DHRSX: variants seen among roughly 807,000 people sequenced by gnomAD.
DHRSX encodes polyprenol dehydrogenase.
Under a neutral mutation model 34.0 loss-of-function variants are expected in DHRSX, and 31 were observed. The ratio of observed to expected loss-of-function variants is 0.91; its 90% CI spans 0.69 to 1.23. The LOEUF is 1.23. DHRSX is among the 50% of genes most tolerant of loss of function. The pLI is 0.00. For synonymous variants in DHRSX, 201 were observed against 183.8 expected, an observed-to-expected ratio of 1.09 and a Z score of -0.76; for missense variants, 414 against 428.1, an observed-to-expected ratio of 0.97 and a Z score of 0.29.
chrX:2,462,431 A>G (rs2044415866), intron 1 of DHRSX, among the ~76,000 whole-genome samples: 1 of 152,166 alleles, frequency 6.6e-6, no homozygotes, highest in South Asian at 2.1e-4. Context: ...GCTACTCAGG[A>G]GGCTGAGACA....
At chrX:2,329,246 C>G (rs1401305083) in intron 3 of DHRSX, among the ~76,000 whole-genome samples, 1 of 152,046 alleles carries the variant, frequency 6.6e-6, no homozygotes, top group Non-Finnish European at 1.5e-5. Context: ...TCTAATAGTC[C>G]ATGACATCGG....
chrX:2,442,419 A>T (rs2044074839), intron 1 of DHRSX, among the ~76,000 whole-genome samples: 3 of 151,812 alleles, frequency 2.0e-5, no homozygotes, highest in Admixed American at 1.3e-4. Context: ...TATATGATAT[A>T]TGATGATATA....
chrX:2,461,020 C>A (rs2044395425), intron 1 of DHRSX, among the ~76,000 whole-genome samples: 2 of 152,156 alleles, frequency 1.3e-5, no homozygotes, highest in Non-Finnish European at 2.9e-5. Context: ...TGTGCCCGGC[C>A]TCATACCATT....
chrX:2,275,118 A>G (rs2041607552), intron 4 of DHRSX, among the ~76,000 whole-genome samples: 1 of 152,028 alleles, frequency 6.6e-6, no homozygotes, highest in Non-Finnish European at 1.5e-5. Context: ...ATTTTCCATA[A>G]TCATGTTTTT....
At chrX:2,434,021 G>A (rs1324505426) in intron 1 of DHRSX, among the ~76,000 whole-genome samples, 9 of 151,990 alleles carry the variant, frequency 5.9e-5, no homozygotes, top group Middle Eastern at 3.4e-3. Flanking sequence ...CTCGTGATCC[G>A]CCCGCCTCGG....
At chrX:2,432,037 A>C (rs1276142717) in intron 1 of DHRSX, among the ~76,000 whole-genome samples, 1 of 152,004 alleles carries the variant, frequency 6.6e-6, no homozygotes, top group East Asian at 1.9e-4. Context: ...CTAAAAATAC[A>C]AAATTTAGCT....
chrX:2,379,662 G>A (rs914667701), intron 3 of DHRSX, among the ~76,000 whole-genome samples: 4 of 104,508 alleles, frequency 3.8e-5, no homozygotes, highest in African/African-American at 6.9e-5. Flanking sequence ...AGTTTTTTGT[G>A]TTATTCTATC....
At chrX:2,329,896 C>T (rs2042435804) in intron 3 of DHRSX, among the ~76,000 whole-genome samples, 1 of 151,896 alleles carries the variant, frequency 6.6e-6, no homozygotes, top group Admixed American at 6.6e-5. Flanking sequence ...CCTGCACTTT[C>T]AGAGAAAACA....
intron 1 of DHRSX, among the ~76,000 whole-genome samples, chrX:2,441,007 C>T (rs772144010): frequency 2.6e-5 from 4 of 152,270 alleles, no homozygotes; most frequent in Admixed American, 2.6e-4. Flanking sequence ...ACGACGCAGA[C>T]GGCACCAGTA....
At chrX:2,408,614 G>T in intron 3 of DHRSX, 131 bp downstream of exon 3, 1 of 770,102 alleles carries the variant, frequency 1.3e-6, no homozygotes, top group Non-Finnish European at 2.1e-6. Context: ...CAAAAGAAGA[G>T]TGCAAAAATC....
intron 1 of DHRSX, among the ~76,000 whole-genome samples, chrX:2,434,058 G>C (rs1288289270): frequency 2.6e-5 from 4 of 152,096 alleles, no homozygotes; most frequent in South Asian, 4.1e-4. Flanking sequence ...GATTACAGGC[G>C]TGAGCCACCG....
intron 4 of DHRSX, among the ~76,000 whole-genome samples, chrX:2,289,639 G>C (rs560809038): frequency 6.6e-6 from 1 of 152,142 alleles, no homozygotes; most frequent in Non-Finnish European, 1.5e-5. Context: ...ATGAGACGTC[G>C]GGTCGTGTAG....
At chrX:2,243,518 C>A (rs182545527) in intron 5 of DHRSX, among the ~76,000 whole-genome samples, 1 of 151,852 alleles carries the variant, frequency 6.6e-6, no homozygotes, top group African/African-American at 2.4e-5. Context: ...CAGAGTCCCC[C>A]CTCTGTCGCC....
rs186131041 is a variant in DHRSX at position 2,498,071 on chromosome X, T to G, written c.109+2746A>C. On this transcript the variant is annotated intron_variant, in intron 1 of 6. Coordinates refer to ENST00000334651, the MANE Select transcript of DHRSX (RefSeq NM_145177.3). Reference sequence around the variant, plus strand: ...ACCAACATCTATGATTAATTTGTAATTATCTTGTTTTTCCATGATGAACTG... The same window carrying G: ...ACCAACATCTATGATTAATTTGTAAGTATCTTGTTTTTCCATGATGAACTG... 3.9e-5 allele frequency among the ~76,000 whole-genome samples: 6 copies of G among 152,282 alleles called. No individual in the cohort carries two copies. The East Asian group carries it at 1.2e-3, about 29-fold the overall frequency.
chrX:2,469,823 G>A (rs1159481890), intron 1 of DHRSX, among the ~76,000 whole-genome samples: 1 of 152,188 alleles, frequency 6.6e-6, no homozygotes, highest in South Asian at 2.1e-4. Context: ...TAGTGAAGAC[G>A]TTCCAAAGGT....
chrX:2,415,929 T>C (rs1338139628), intron 2 of DHRSX, among the ~76,000 whole-genome samples: 2 of 150,926 alleles, frequency 1.3e-5, no homozygotes, highest in Non-Finnish European at 3.0e-5. Context: ...AGAACCTAAC[T>C]AGATCTCATC....
chrX:2,276,095 G>C (rs188953333), intron 4 of DHRSX, among the ~76,000 whole-genome samples: 4,098 of 152,252 alleles, frequency 0.027, 170 homozygotes, highest in African/African-American at 0.088. Context: ...ATCCACGTCG[G>C]CCTCCCAAAG....
intron 3 of DHRSX, among the ~76,000 whole-genome samples, chrX:2,304,218 TG>T (rs1301596892): frequency 7.8e-6 from 1 of 127,890 alleles, no homozygotes; most frequent in Non-Finnish European, 1.6e-5. Flanking sequence ...GATGGATGGA[TG>T]GATGGATGGA....
intron 3 of DHRSX, among the ~76,000 whole-genome samples, chrX:2,364,395 C>T (rs981083495): frequency 6.6e-6 from 1 of 152,198 alleles, no homozygotes; most frequent in African/African-American, 2.4e-5. Context: ...GAGAATCATC[C>T]AGCTCCAGAT....
Sources: gnomAD v4.1 joint callset for allele counts (sites outside exome capture counted in the v4.1 genomes callset) on GRCh38, gnomAD v4.1.1 for gene constraint, MANE v1.5 for transcripts, NCBI Gene and HGNC (gene_info 2026-07-23, HGNC 2026-07-21) for gene names.